TSPEAR: variants seen among roughly 807,000 people sequenced by gnomAD.
The protein encoded by TSPEAR is thrombospondin-type laminin G domain and EAR repeat-containing protein.
A neutral mutation model predicts 71.6 loss-of-function variants in TSPEAR; 69 were observed. That is an observed-to-expected ratio of 0.96 (90% CI 0.79 to 1.18). The LOEUF (loss-of-function observed/expected upper bound fraction) is 1.18. Among genes scored for constraint, TSPEAR ranks in the 50% most tolerant of loss-of-function variants. TSPEAR has a pLI of 0.00. For missense variants in TSPEAR, 971 were observed against 894.9 expected, an observed-to-expected ratio of 1.09 and a Z score of -1.09; for synonymous variants, 402 against 387.2, an observed-to-expected ratio of 1.04 and a Z score of -0.45.
chr21:44,650,519 C>T (rs1984723864), intron 1 of TSPEAR, among the ~76,000 whole-genome samples: 1 of 141,842 alleles, frequency 7.1e-6, no homozygotes, highest in South Asian at 2.2e-4. Context: ...GCCAAGGACA[C>T]CAAAGAAGGC....
chr21:44,578,209 C>CA (rs1267758037), intron 1 of TSPEAR, among the ~76,000 whole-genome samples: 1 of 152,112 alleles, frequency 6.6e-6, no homozygotes, highest in Non-Finnish European at 1.5e-5. Flanking sequence ...AAAAGGTTGC[C>CA]ACTACAGAAT....
chr21:44,601,419 C>T (rs1293397505), intron 1 of TSPEAR: 30 of 1,611,242 alleles, frequency 1.9e-5, no homozygotes, highest in South Asian at 5.5e-5. Flanking sequence ...AGGGCTGCTG[C>T]GTGCCCGTCT....
At chr21:44,578,099 G>T (rs1978583633) in intron 1 of TSPEAR, among the ~76,000 whole-genome samples, 1 of 152,188 alleles carries the variant, frequency 6.6e-6, no homozygotes, top group South Asian at 2.1e-4. Flanking sequence ...CAGCCATGTG[G>T]AACTGTGAGT....
intron 9 of TSPEAR, among the ~76,000 whole-genome samples, chr21:44,512,609 G>A (rs1443759766): frequency 6.6e-6 from 1 of 152,198 alleles, no homozygotes; most frequent in African/African-American, 2.4e-5. Flanking sequence ...ACCCTGGGTT[G>A]GGAATGCGCG....
chr21:44,585,858 AGTT>A (rs1385112687), intron 1 of TSPEAR, among the ~76,000 whole-genome samples: 7 of 152,196 alleles, frequency 4.6e-5, no homozygotes, highest in Non-Finnish European at 1.0e-4. Flanking sequence ...GAGGACCCTT[AGTT>A]GTTGTTCACG....
chr21:44,643,263 G>A (rs1984120879), intron 1 of TSPEAR, among the ~76,000 whole-genome samples: 1 of 152,180 alleles, frequency 6.6e-6, no homozygotes, highest in Non-Finnish European at 1.5e-5. Flanking sequence ...GGGGTGCAGG[G>A]AGTGGGGACA....
chr21:44,675,095 T>A (rs1986247312), intron 1 of TSPEAR, among the ~76,000 whole-genome samples: 1 of 152,062 alleles, frequency 6.6e-6, no homozygotes, highest in African/African-American at 2.4e-5. Context: ...ATTACCTTGA[T>A]ACCGAAAGCA....
chr21:44,703,067 C>T (rs187828534), intron 1 of TSPEAR, among the ~76,000 whole-genome samples: 2 of 152,174 alleles, frequency 1.3e-5, no homozygotes, highest in Admixed American at 6.5e-5. Context: ...GGTCCCTGGC[C>T]CCCCCTGCCC....
Position 44,711,338 on chromosome 21 carries a change from T to TC in TSPEAR, c.82+94_82+95insG. 3.4e-6 allele frequency: 4 copies of TC among 1,193,958 alleles called. No homozygotes were observed. Among genetic ancestry groups the TC allele is most frequent in the Non-Finnish European group, 3.6e-6 (3 of 844,220 alleles). 74.0% of individuals were successfully genotyped at this position (1,193,958 alleles called of 1,614,324 possible). ...CCAAAGCGTCCTCGGGCACCGCGGCTTGAATCAGTGTTAGAAAGTGGCATT... is the reference window on the plus strand; with the variant it reads ...CCAAAGCGTCCTCGGGCACCGCGGCTCTGAATCAGTGTTAGAAAGTGGCATT... On this transcript the variant is annotated intron_variant, in intron 1 of 11. Coordinates refer to ENST00000323084, the MANE Select transcript of TSPEAR (RefSeq NM_144991.3). The surrounding 1 kb of genome is among the most constrained non-coding windows in gnomAD (Gnocchi z 4.5).
chr21:44,680,440 T>C (rs782199405), intron 1 of TSPEAR, among the ~76,000 whole-genome samples: 17 of 152,194 alleles, frequency 1.1e-4, no homozygotes, highest in Non-Finnish European at 1.9e-4. Flanking sequence ...TATACATCAT[T>C]TGTGGAAGTG....
intron 1 of TSPEAR, among the ~76,000 whole-genome samples, chr21:44,707,783 T>C (rs1171209326): frequency 2.0e-5 from 3 of 152,076 alleles, no homozygotes; most frequent in African/African-American, 7.2e-5. Flanking sequence ...TCTGATTCTC[T>C]ATAGGTGGCG....
At chr21:44,671,804 AT>A (rs1986069229) in intron 1 of TSPEAR, among the ~76,000 whole-genome samples, 1 of 152,186 alleles carries the variant, frequency 6.6e-6, no homozygotes, top group Non-Finnish European at 1.5e-5. Flanking sequence ...AAACAAGGAA[AT>A]GTCACACCTC....
At chr21:44,560,770 T>G (rs1555920893) in intron 2 of TSPEAR, among the ~76,000 whole-genome samples, 1 of 152,130 alleles carries the variant, frequency 6.6e-6, no homozygotes, top group Non-Finnish European at 1.5e-5. Context: ...AATCAAGAAG[T>G]TATTTGAAAC....
At chr21:44,566,917 A>G (rs2146069457) in intron 2 of TSPEAR, among the ~76,000 whole-genome samples, 2 of 152,336 alleles carry the variant, frequency 1.3e-5, no homozygotes, top group South Asian at 2.1e-4. Flanking sequence ...AGAAGAAAAC[A>G]TAAGGGTAAA....
At chr21:44,610,211 AG>A (rs1185982341) in intron 1 of TSPEAR, among the ~76,000 whole-genome samples, 1 of 152,280 alleles carries the variant, frequency 6.6e-6, no homozygotes, top group Non-Finnish European at 1.5e-5. Flanking sequence ...ATAAGTAGCA[AG>A]GAGCCTATTG....
chr21:44,666,132 A>T (rs1985743366), intron 1 of TSPEAR: 1 of 341,686 alleles, frequency 2.9e-6, no homozygotes, highest in Non-Finnish European at 5.3e-6. Flanking sequence ...CTATGTAATC[A>T]GCAGAATAGA....
rs1361641710 is a variant in TSPEAR at position 44,656,042 on chromosome 21, C to G, written c.82+55391G>C. On this transcript the variant is annotated intron_variant, in intron 1 of 11. Transcript: ENST00000323084. The stretch of plus-strand genomic sequence containing the variant: ...AGCCGATCTGTGGCCATGTGGGAGT[C>G]ACCTTAAGGCCTAGGGACAAGCCGG... Among the ~76,000 whole-genome samples the G allele has an allele frequency of 4.5e-4, 68 of 151,724 alleles. 1 individual carries two copies. The highest frequency in any genetic ancestry group is 1.2e-3 in the Admixed American group (19 of 15,240).
chr21:44,666,274 G>C, intron 1 of TSPEAR: 1 of 846,418 alleles, frequency 1.2e-6, no homozygotes, highest in Non-Finnish European at 1.8e-6. Flanking sequence ...GATGGGCAAG[G>C]TCAGCAAGGG....
At chr21:44,641,749 A>C (rs1984031965) in intron 1 of TSPEAR, among the ~76,000 whole-genome samples, 1 of 152,218 alleles carries the variant, frequency 6.6e-6, no homozygotes, top group African/African-American at 2.4e-5. Context: ...TCACAAGAAG[A>C]TCAAAGTTAT....
Sources: gnomAD v4.1 joint callset for allele counts (sites outside exome capture counted in the v4.1 genomes callset) on GRCh38, gnomAD v4.1.1 for gene constraint, Gnocchi (gnomAD v3.1) non-coding constraint, MANE v1.5 for transcripts, NCBI Gene and HGNC (gene_info 2026-07-23, HGNC 2026-07-21) for gene names.